The following LMNB1 variants were observed in gnomAD, a reference collection of about 807,000 sequenced individuals.
The protein encoded by LMNB1 is lamin-B1.
Under a neutral mutation model 67.1 loss-of-function variants are expected in LMNB1, and 23 were observed. The observed-to-expected ratio is 0.34, with a 90% CI of 0.25 to 0.49. The LOEUF is 0.49. LMNB1 is among the 20% of genes least tolerant of loss of function. The probability of loss-of-function intolerance (pLI) is 0.99; values close to 1 mark genes in which losing one functional copy is unlikely to be tolerated. For missense variants in LMNB1, 634 were observed against 746.5 expected, an observed-to-expected ratio of 0.85 and a Z score of 1.76; for synonymous variants, 281 against 282.9, an observed-to-expected ratio of 0.99 and a Z score of 0.07.
At chr5:126,798,433 G>A (rs1751166746) in intron 1 of LMNB1, among the ~76,000 whole-genome samples, 1 of 152,086 alleles carries the variant, frequency 6.6e-6, no homozygotes, top group Non-Finnish European at 1.5e-5. Flanking sequence ...CTGGGCCACA[G>A]AGCGAGACTC....
chr5:126,821,169 C>G, intron 7 of LMNB1, 34 bp downstream of exon 7: 1 of 1,397,404 alleles, frequency 7.2e-7, no homozygotes. Flanking sequence ...TCTAGCAAGG[C>G]TTTGTGGATT....
intron 1 of LMNB1, among the ~76,000 whole-genome samples, chr5:126,779,127 G>T (rs970395934): frequency 1.1e-4 from 17 of 152,136 alleles, no homozygotes; most frequent in African/African-American, 3.1e-4. Context: ...GTATCTGCGT[G>T]AATGTCCCTG....
rs556613663 is a variant in LMNB1 at position 126,836,273 on chromosome 5, A to G, written c.*9A>G. On this transcript the variant is annotated 3_prime_UTR_variant, in exon 11 of 11. Coordinates refer to ENST00000261366, the MANE Select transcript of LMNB1 (RefSeq NM_005573.4). Reference sequence around the variant, plus strand: ...GCTGTGCAATTATGTAAAATTTTCAACTGTCTTCCTCAAAATAAAGAAGTA... The same window carrying G: ...GCTGTGCAATTATGTAAAATTTTCAGCTGTCTTCCTCAAAATAAAGAAGTA... 3 of 1,597,052 alleles carry G rather than the reference A, an allele frequency of 1.9e-6. No homozygotes were observed. Among genetic ancestry groups the G allele is most frequent in the African/African-American group, 2.7e-5 (2 of 74,732 alleles).
intron 1 of LMNB1, among the ~76,000 whole-genome samples, chr5:126,795,931 T>G (rs1751076772): frequency 8.6e-6 from 1 of 115,740 alleles, no homozygotes; most frequent in Non-Finnish European, 1.9e-5. Flanking sequence ...TGGCCCAGGA[T>G]GCTTTTTTTT....
intron 5 of LMNB1, among the ~76,000 whole-genome samples, chr5:126,812,228 A>G (rs1751596201): frequency 6.6e-6 from 1 of 152,226 alleles, no homozygotes; most frequent in Non-Finnish European, 1.5e-5. Context: ...CTACAGAGTT[A>G]TTCTCAACAC....
chr5:126,820,867 C>A (rs763270038), intron 6 of LMNB1, 43 bp from the exon 7 acceptor site: 5 of 1,392,318 alleles, frequency 3.6e-6, no homozygotes, highest in Non-Finnish European at 5.1e-6. Flanking sequence ...GCGAGAAGGG[C>A]ATATGTGTTT....
At chr5:126,781,961 G>A (rs994031672) in intron 1 of LMNB1, among the ~76,000 whole-genome samples, 1 of 152,128 alleles carries the variant, frequency 6.6e-6, no homozygotes, top group African/African-American at 2.4e-5. Flanking sequence ...TGAATCCATA[G>A]AAAACAGACC....
At chr5:126,805,981 A>G (rs537780148) in intron 3 of LMNB1, among the ~76,000 whole-genome samples, 49 of 152,264 alleles carry the variant, frequency 3.2e-4, no homozygotes, top group Non-Finnish European at 1.2e-4. Flanking sequence ...TTTGAGACGG[A>G]GTCTTGCTCT....
chr5:126,791,009 G>A (rs1020844648), intron 1 of LMNB1, among the ~76,000 whole-genome samples: 31 of 151,918 alleles, frequency 2.0e-4, no homozygotes, highest in African/African-American at 2.2e-4. Context: ...CGACAAGAGC[G>A]AAACTCTGTC....
intron 9 of LMNB1, among the ~76,000 whole-genome samples, 159 bp from the exon 10 acceptor site, chr5:126,832,535 G>C (rs1021641581): frequency 3.9e-5 from 6 of 152,176 alleles, no homozygotes; most frequent in African/African-American, 1.4e-4. Flanking sequence ...CCTGACCTCG[G>C]GTGATCTGCC....
intron 5 of LMNB1, chr5:126,815,333 G>A (rs978359731): frequency 3.3e-5 from 5 of 152,116 alleles, no homozygotes; most frequent in African/African-American, 9.7e-5. Flanking sequence ...ATAATATATA[G>A]ATGGTAGCAG....
At chr5:126,800,982 A>ATATATTTTTTTTT in intron 1 of LMNB1, among the ~76,000 whole-genome samples, 12 of 18,632 alleles carry the variant, frequency 6.4e-4, no homozygotes, top group Non-Finnish European at 1.0e-3. Flanking sequence ...TATATATATA[A>ATATATTTTTTTTT]TTTTTTTTTT....
intron 3 of LMNB1, among the ~76,000 whole-genome samples, chr5:126,809,306 C>T (rs1291711237): frequency 2.6e-5 from 4 of 152,152 alleles, no homozygotes; most frequent in Non-Finnish European, 5.9e-5. Context: ...TTAATAAGAT[C>T]CTGTGTCACT....
At chr5:126,804,185 G>A (rs1012041113) in intron 1 of LMNB1, among the ~76,000 whole-genome samples, 2 of 149,256 alleles carry the variant, frequency 1.3e-5, no homozygotes, top group African/African-American at 4.9e-5. Context: ...CGATGTCCCC[G>A]CCTAAGCCTC....
At chr5:126,825,693 CTAAAG>C (rs976191013) in intron 8 of LMNB1, among the ~76,000 whole-genome samples, 36 of 152,160 alleles carry the variant, frequency 2.4e-4, no homozygotes, top group African/African-American at 8.0e-4. Context: ...TTATGGATGA[CTAAAG>C]TAAGGTAACT....
At position 126,810,228 on chromosome 5, in the gene LMNB1, G is replaced by A; in HGVS notation, c.691G>A (p.Asp231Asn). The change falls in exon 4 of 11, where the codon GAT becomes AAT. Residue 231 changes from aspartate to asparagine, a missense_variant. Transcript: ENST00000261366. ...GCATGAAACGCGCTTGGTAGAGGTG[G>A]ATTCTGGGCGTCAAATTGAGTATGA... ...RKHETRLVEV[D>N]SGRQIEYEYK... The A allele has an allele frequency of 1.2e-6, 2 of 1,613,872 alleles. No individual in the cohort carries two copies. The highest frequency in any genetic ancestry group is 1.7e-6 in the Non-Finnish European group (2 of 1,179,806).
At chr5:126,813,988 C>T (rs1181602778) in intron 5 of LMNB1, among the ~76,000 whole-genome samples, 2 of 152,130 alleles carry the variant, frequency 1.3e-5, no homozygotes, top group African/African-American at 4.8e-5. Context: ...CTCCGCCTCC[C>T]AGGTTTAAGC....
chr5:126,829,574 C>T (rs1041433466), intron 9 of LMNB1, among the ~76,000 whole-genome samples: 9 of 151,658 alleles, frequency 5.9e-5, no homozygotes, highest in East Asian at 3.9e-4. Context: ...CTCAGAACAG[C>T]CTAGCAAGCA....
chr5:126,777,374 C>T lies in LMNB1; in HGVS notation c.-135C>T. The T allele has an allele frequency of 9.4e-7, 1 of 1,062,624 alleles. No individual in the cohort carries two copies. Among genetic ancestry groups the T allele is most frequent in the Non-Finnish European group, 1.2e-6 (1 of 833,740 alleles). 65.8% of individuals were successfully genotyped at this position (1,062,624 alleles called of 1,614,324 possible). The stretch of plus-strand genomic sequence containing the variant: ...CCGCCATCCCAGGTGCTTCTCCGTT[C>T]CTCTAAACGCCAGCGTCTGGACGTG... On this transcript the variant is annotated 5_prime_UTR_variant, in exon 1 of 11. Coordinates refer to ENST00000261366, the MANE Select transcript of LMNB1 (RefSeq NM_005573.4).
Sources: gnomAD v4.1 joint callset for allele counts (sites outside exome capture counted in the v4.1 genomes callset) on GRCh38, gnomAD v4.1.1 for gene constraint, MANE v1.5 for transcripts, NCBI Gene and HGNC (gene_info 2026-07-23, HGNC 2026-07-21) for gene names.